Variants in SDK1 observed in about 807,000 individuals in gnomAD.
SDK1 encodes sidekick cell adhesion molecule 1, also known as protein sidekick-1.
In SDK1, 157 loss-of-function variants were observed where a neutral mutation model predicts 245.5. The observed-to-expected ratio is 0.64, with a 90% CI of 0.56 to 0.73. The LOEUF (loss-of-function observed/expected upper bound fraction) is 0.73. Among genes scored for constraint, SDK1 ranks in the 30% least tolerant of loss-of-function variants. SDK1 has a pLI of 0.00. For missense variants in SDK1, 3,583 were observed against 3,002.3 expected (o/e 1.19, Z -4.52); for synonymous variants, 1,647 against 1,278.5 (o/e 1.29, Z -6.15).
chr7:4,148,930 C>A (rs1478390726), intron 29 of SDK1, among the ~76,000 whole-genome samples: 3 of 152,182 alleles, frequency 2.0e-5, no homozygotes, highest in African/African-American at 7.2e-5. Flanking sequence ...GTGGTGCACA[C>A]CTGTAGTCCC....
intron 17 of SDK1, among the ~76,000 whole-genome samples, chr7:4,032,288 A>C (rs10244597): frequency 6.6e-6 from 1 of 152,040 alleles, no homozygotes; most frequent in Admixed American, 6.6e-5. Flanking sequence ...CCAATATTCA[A>C]TGCCCATCTG....
chr7:3,571,388 A>C (rs1365224979), intron 1 of SDK1, among the ~76,000 whole-genome samples: 1 of 152,054 alleles, frequency 6.6e-6, no homozygotes, highest in East Asian at 1.9e-4. Context: ...CTGTAACCTC[A>C]AACTCCTGGA....
chr7:3,599,144 CT>C (rs1781173238), intron 1 of SDK1, among the ~76,000 whole-genome samples: 1 of 127,414 alleles, frequency 7.8e-6, no homozygotes, highest in Non-Finnish European at 1.6e-5. Flanking sequence ...GGCGTTCTCG[CT>C]GTTTTTTACT....
chr7:3,450,565 G>A (rs1396132280), intron 1 of SDK1, among the ~76,000 whole-genome samples: 2 of 152,182 alleles, frequency 1.3e-5, no homozygotes, highest in African/African-American at 4.8e-5. Flanking sequence ...CAGGGATTTG[G>A]TTTATGAAAA....
At chr7:3,931,965 G>A (rs1291896793) in intron 5 of SDK1, among the ~76,000 whole-genome samples, 5 of 152,106 alleles carry the variant, frequency 3.3e-5, no homozygotes, top group African/African-American at 7.2e-5. Context: ...GCTTTAAAAC[G>A]GCATGAGTTG....
At chr7:3,651,342 A>G (rs780571264) in intron 4 of SDK1, among the ~76,000 whole-genome samples, 44 of 152,162 alleles carry the variant, frequency 2.9e-4, no homozygotes, top group Non-Finnish European at 5.3e-4. Context: ...ATGATGTTGA[A>G]CATCTCTTAA....
At chr7:3,349,880 G>C (rs1283626057) in intron 1 of SDK1, among the ~76,000 whole-genome samples, 1 of 152,180 alleles carries the variant, frequency 6.6e-6, no homozygotes, top group Non-Finnish European at 1.5e-5. Context: ...GGGATTACAG[G>C]CATGAGCCAC....
chr7:4,203,235 G>A (rs552228461), intron 35 of SDK1, among the ~76,000 whole-genome samples: 5 of 152,276 alleles, frequency 3.3e-5, no homozygotes, highest in Non-Finnish European at 7.3e-5. Context: ...GGAATTCCAC[G>A]ATGGCTGTCA....
intron 42 of SDK1, among the ~76,000 whole-genome samples, chr7:4,238,708 C>G (rs1173467672): frequency 6.6e-6 from 1 of 151,758 alleles, no homozygotes; most frequent in Non-Finnish European, 1.5e-5. Flanking sequence ...ATCTCCACGC[C>G]CGGCTAATTT....
At chr7:3,910,451 G>A (rs1216294059) in intron 5 of SDK1, among the ~76,000 whole-genome samples, 2 of 152,216 alleles carry the variant, frequency 1.3e-5, no homozygotes, top group South Asian at 4.1e-4. Flanking sequence ...GTGTGTGTAT[G>A]TGTGTGCCGG....
At chr7:3,805,175 T>A (rs1397664654) in intron 4 of SDK1, among the ~76,000 whole-genome samples, 6 of 152,256 alleles carry the variant, frequency 3.9e-5, no homozygotes, top group African/African-American at 1.4e-4. Context: ...TGTGCTATAT[T>A]TTATGCTACT....
intron 1 of SDK1, among the ~76,000 whole-genome samples, chr7:3,602,784 T>A (rs1281335576): frequency 1.3e-5 from 2 of 152,214 alleles, no homozygotes; most frequent in Admixed American, 1.3e-4. Flanking sequence ...TGCCTAGGTT[T>A]TCTTCTAGGG....
At chr7:4,022,658 A>C (rs967510492) in intron 17 of SDK1, among the ~76,000 whole-genome samples, 2 of 152,066 alleles carry the variant, frequency 1.3e-5, no homozygotes, top group African/African-American at 4.8e-5. Flanking sequence ...TTGGTCTCAA[A>C]TGTGTTTCCT....
chr7:3,979,817 G>A (rs1298694481), intron 13 of SDK1, among the ~76,000 whole-genome samples: 2 of 152,146 alleles, frequency 1.3e-5, no homozygotes, highest in Non-Finnish European at 2.9e-5. Flanking sequence ...AGAGGGACCA[G>A]GCTCCTAAGG....
At chr7:4,085,755 A>G (rs1781386608) in intron 22 of SDK1, among the ~76,000 whole-genome samples, 1 of 152,040 alleles carries the variant, frequency 6.6e-6, no homozygotes, top group African/African-American at 2.4e-5. Context: ...GGGTTTCACC[A>G]TGTTGGCCAG....
At chr7:3,783,507 G>T (rs1285858872) in intron 4 of SDK1, among the ~76,000 whole-genome samples, 1 of 149,126 alleles carries the variant, frequency 6.7e-6, no homozygotes, top group Non-Finnish European at 1.5e-5. Context: ...ACTAATAAAC[G>T]AATATATTAC....
intron 4 of SDK1, among the ~76,000 whole-genome samples, chr7:3,672,704 AAAATT>A (rs975256854): frequency 7.4e-6 from 1 of 135,842 alleles, no homozygotes; most frequent in African/African-American, 2.7e-5. Context: ...ATATTAAATA[AAAATT>A]AAATTTATAT....
intron 1 of SDK1, among the ~76,000 whole-genome samples, chr7:3,504,678 A>G (rs777589701): frequency 4.6e-5 from 7 of 152,142 alleles, no homozygotes; most frequent in Non-Finnish European, 7.3e-5. Context: ...ATTATAGCTA[A>G]AACTATGAAA....
chr7:4,209,855 G>A (rs1024453412), intron 37 of SDK1, among the ~76,000 whole-genome samples, 170 bp from the exon 38 acceptor site: 5 of 152,122 alleles, frequency 3.3e-5, no homozygotes, highest in East Asian at 1.9e-4. Flanking sequence ...ATTGATCCTC[G>A]GAAGTTCTGA....
Sources: gnomAD v4.1 joint callset for allele counts (sites outside exome capture counted in the v4.1 genomes callset) on GRCh38, gnomAD v4.1.1 for gene constraint, MANE v1.5 for transcripts, NCBI Gene and HGNC (gene_info 2026-07-23, HGNC 2026-07-21) for gene names.